The following PARD3B variants were observed in gnomAD, a reference collection of about 807,000 sequenced individuals.
The protein encoded by PARD3B is partitioning defective 3 homolog B.
PARD3B carries 103 observed loss-of-function variants against 130.2 expected under a neutral mutation model. That is an observed-to-expected ratio of 0.79 (90% CI 0.67 to 0.93). The LOEUF (loss-of-function observed/expected upper bound fraction) is 0.93, where lower values mean the gene tolerates loss of function less well. PARD3B is among the 40% of genes least tolerant of loss of function. The pLI is 0.00. For synonymous variants in PARD3B, 583 were observed against 553.2 expected (o/e 1.05, Z -0.76); for missense variants, 1,609 against 1,499.2 (o/e 1.07, Z -1.21).
chr2:204,729,017 AG>A (rs1380274622), intron 2 of PARD3B, among the ~76,000 whole-genome samples: 1 of 152,152 alleles, frequency 6.6e-6, no homozygotes, highest in Non-Finnish European at 1.5e-5. Context: ...GGTAGAATTT[AG>A]GGTCTGGAAT....
At position 205,351,971 on chromosome 2, in the gene PARD3B, T is replaced by C. The variant is rs543804678; in HGVS notation, c.2631-49042T>C. On this transcript the variant is annotated intron_variant, in intron 18 of 22. Transcript: ENST00000406610. The surrounding 1 kb of genome is among the most constrained non-coding windows in gnomAD (Gnocchi z 4.2). ...GGAAACACAACCAACACCCACTGTT[T>C]CAAAGAAAACCATTCTTTTTGGAGT... Among the ~76,000 whole-genome samples the C allele has an allele frequency of 6.6e-6, 1 of 152,236 alleles. No individual in the cohort carries two copies. The highest frequency in any genetic ancestry group is 1.5e-5 in the Non-Finnish European group (1 of 68,026).
intron 3 of PARD3B, among the ~76,000 whole-genome samples, chr2:204,973,073 G>T (rs1575452414): frequency 6.6e-6 from 1 of 152,060 alleles, no homozygotes; most frequent in African/African-American, 2.4e-5. Flanking sequence ...TCTTCCCCAT[G>T]CCCCCACCAG....
chr2:204,717,248 C>T (rs1204360795), intron 2 of PARD3B, among the ~76,000 whole-genome samples: 1 of 152,176 alleles, frequency 6.6e-6, no homozygotes, highest in East Asian at 1.9e-4. Context: ...CTTGGGTACT[C>T]AGATCTAAGA....
At chr2:204,947,371 T>C (rs1689411306) in intron 2 of PARD3B, among the ~76,000 whole-genome samples, 2 of 152,016 alleles carry the variant, frequency 1.3e-5, no homozygotes, top group African/African-American at 4.8e-5. Flanking sequence ...GAACTCTACA[T>C]ATTCTAGTTA....
intron 2 of PARD3B, among the ~76,000 whole-genome samples, chr2:204,860,527 C>T (rs75161850): frequency 6.6e-6 from 1 of 152,160 alleles, no homozygotes; most frequent in African/African-American, 2.4e-5. Flanking sequence ...AGAAAGAAGA[C>T]GACAACTTCT....
chr2:205,317,666 T>C (rs369450304), intron 18 of PARD3B, among the ~76,000 whole-genome samples: 3 of 152,068 alleles, frequency 2.0e-5, no homozygotes, highest in African/African-American at 7.2e-5. Flanking sequence ...CACCATTCTT[T>C]GTTTACATGC....
At chr2:205,514,453 C>G (rs944918446) in intron 21 of PARD3B, among the ~76,000 whole-genome samples, 4 of 151,960 alleles carry the variant, frequency 2.6e-5, no homozygotes, top group Admixed American at 2.0e-4. Flanking sequence ...TTATAAGAAC[C>G]CACATGGTGC....
chr2:205,494,349 C>T (rs1247952289), intron 20 of PARD3B, among the ~76,000 whole-genome samples: 1 of 152,128 alleles, frequency 6.6e-6, no homozygotes, highest in East Asian at 1.9e-4. Context: ...TGACCACCTC[C>T]CTCTCATTCA....
At chr2:205,182,031 G>A (rs772309491) in intron 13 of PARD3B, among the ~76,000 whole-genome samples, 13 of 152,154 alleles carry the variant, frequency 8.5e-5, no homozygotes, top group Admixed American at 2.0e-4. Context: ...GGTGGCTTAC[G>A]CCTGTAATCC....
rs145437745 is a variant in PARD3B at position 205,183,088 on chromosome 2, G to C, written c.1925-2676G>C. ...TGACAGATCCTTGGCAACAGCGAAGGCTTCATAGTAAAAGTGATATTTGGG... is the reference window on the plus strand; with the variant it reads ...TGACAGATCCTTGGCAACAGCGAAGCCTTCATAGTAAAAGTGATATTTGGG... On this transcript the variant is annotated intron_variant, in intron 13 of 22. Transcript: ENST00000406610. This position sits in a 1 kb window ranked among gnomAD's most constrained non-coding sequence, Gnocchi z 5.2. 5.8e-3 allele frequency among the ~76,000 whole-genome samples: 877 copies of C among 152,252 alleles called. 11 individuals carry two copies. The highest frequency in any genetic ancestry group is 0.02 in the African/African-American group (832 of 41,538).
intron 20 of PARD3B, among the ~76,000 whole-genome samples, chr2:205,472,381 A>C (rs1284930283): frequency 7.3e-6 from 1 of 136,520 alleles, no homozygotes; most frequent in Non-Finnish European, 1.5e-5. Flanking sequence ...TTCAATAATT[A>C]GTAAAAAAAA....
chr2:204,881,579 G>A (rs946835905), intron 2 of PARD3B, among the ~76,000 whole-genome samples: 4 of 151,708 alleles, frequency 2.6e-5, no homozygotes, highest in African/African-American at 4.9e-5. Flanking sequence ...TATAGATCTC[G>A]TTCTGAAAAA....
rs1393922526 is a variant in PARD3B, at chr2:205,463,210, G to A, written c.3044+22538G>A. Among the ~76,000 whole-genome samples the A allele has an allele frequency of 6.6e-6, 1 of 152,166 alleles. No individual in the cohort carries two copies. Among genetic ancestry groups the A allele is most frequent in the Non-Finnish European group, 1.5e-5 (1 of 68,042 alleles). On this transcript the variant is annotated intron_variant, in intron 20 of 22. Coordinates refer to ENST00000406610, the MANE Select transcript of PARD3B (RefSeq NM_001302769.2). This position sits in a 1 kb window ranked among gnomAD's most constrained non-coding sequence, Gnocchi z 4.8. ...TAGAACTAAGGAATATCTTGGCAATGACATTGCTTAGTCTTCCTTACACAT... is the reference window on the plus strand; with the variant it reads ...TAGAACTAAGGAATATCTTGGCAATAACATTGCTTAGTCTTCCTTACACAT...
rs1254563782 is a variant in PARD3B at position 204,677,041 on chromosome 2, A to G, written c.121-9140A>G. 1.3e-5 allele frequency among the ~76,000 whole-genome samples: 2 copies of G among 152,104 alleles called. No homozygotes were observed. The highest frequency in any genetic ancestry group is 2.9e-5 in the Non-Finnish European group (2 of 68,006). ...CTATCGTCTATGTATCATTTCTAGA[A>G]CAGCACAGAAAAAGCCAAATCTCTC... On this transcript the variant is annotated intron_variant, in intron 1 of 22. Transcript: ENST00000406610. This position sits in a 1 kb window ranked among gnomAD's most constrained non-coding sequence, Gnocchi z 4.1.
intron 2 of PARD3B, among the ~76,000 whole-genome samples, chr2:204,859,058 A>C (rs1449761481): frequency 6.6e-6 from 1 of 151,960 alleles, no homozygotes; most frequent in East Asian, 1.9e-4. Flanking sequence ...AAAATCTTAG[A>C]TGTGAATACT....
At chr2:205,238,851 T>A (rs2336412) in intron 15 of PARD3B, among the ~76,000 whole-genome samples, 29,366 of 53,884 alleles carry the variant, frequency 0.54, 8,257 homozygotes, top group East Asian at 0.61. Flanking sequence ...AAAAAAAAAA[T>A]ATATATATAT....
At chr2:204,781,884 A>T (rs930336779) in intron 2 of PARD3B, among the ~76,000 whole-genome samples, 5 of 152,042 alleles carry the variant, frequency 3.3e-5, no homozygotes, top group African/African-American at 1.2e-4. Context: ...TTATTGTGGC[A>T]TTATAAATTG....
chr2:204,796,321 G>A (rs2042374896), intron 2 of PARD3B, among the ~76,000 whole-genome samples: 1 of 152,192 alleles, frequency 6.6e-6, no homozygotes, highest in Admixed American at 6.5e-5. Context: ...TCATAGATGG[G>A]AAGATATATT....
At chr2:205,060,585 T>C (rs1449239482) in intron 4 of PARD3B, among the ~76,000 whole-genome samples, 3 of 152,112 alleles carry the variant, frequency 2.0e-5, no homozygotes, top group Non-Finnish European at 4.4e-5. Context: ...GTCTTCTATA[T>C]TGGCCACGGT....
Sources: allele counts gnomAD v4.1 joint callset (sites outside exome capture counted in the v4.1 genomes callset), GRCh38; gene constraint gnomAD v4.1.1; non-coding constraint Gnocchi (gnomAD v3.1); transcripts MANE v1.5; gene names NCBI Gene and HGNC (gene_info 2026-07-23, HGNC 2026-07-21).